Variants in LZTS2 observed in about 807,000 individuals in gnomAD.
LZTS2 encodes leucine zipper putative tumor suppressor 2.
In LZTS2, 32 loss-of-function variants were observed where a neutral mutation model predicts 60.6. The observed-to-expected ratio is 0.53, with a 90% CI of 0.40 to 0.71. LZTS2 has a LOEUF of 0.71. LZTS2 is among the 30% of genes least tolerant of loss of function. LZTS2 has a pLI of 0.00. For synonymous variants in LZTS2, 360 were observed against 393.1 expected (o/e 0.92, Z 1.00); for missense variants, 792 against 901.9 (o/e 0.88, Z 1.56).
exon 2 of LZTS2, chr10:101,003,866 A>G: frequency 6.2e-7 from 1 of 1,613,096 alleles, no homozygotes; most frequent in South Asian, 1.1e-5. Context: ...GGCGAGGGGC[A>G]CTGCCTGGGC....
At position 101,006,437 on chromosome 10, in the gene LZTS2, C is replaced by A. The variant is rs763882932; in HGVS notation, c.1327-48C>A. Reference sequence around the variant, plus strand: ...AGCATGATGTGCAGGGCCTGTCCCCCCAGGAGAACCTGTCTCACCATCCTT... The same window carrying A: ...AGCATGATGTGCAGGGCCTGTCCCCACAGGAGAACCTGTCTCACCATCCTT... On this transcript the variant is annotated intron_variant, in intron 3 of 3. Transcript: ENST00000370220. 2.7e-5 allele frequency: 42 copies of A among 1,559,394 alleles called. No homozygotes were observed. In the East Asian group the frequency reaches 9.4e-4, roughly 35 times the overall value.
At position 101,005,651 on chromosome 10, in the gene LZTS2, G is replaced by A. The variant is rs1177262685; in HGVS notation, c.1262G>A (p.Arg421His). ...CAGGAGCGCGAACAGCTGGAGCGGCGCTGCGCCACCTTGGAGCGGGAGCAG... is the reference window on the plus strand; with the variant it reads ...CAGGAGCGCGAACAGCTGGAGCGGCACTGCGCCACCTTGGAGCGGGAGCAG... Residue 421 changes from arginine (R) to histidine (H), a missense_variant, in exon 3 of 4, where the codon CGC becomes CAC. Physicochemically the swap from Arg to His is conservative, Grantham distance 29 (BLOSUM62 0). Coordinates refer to ENST00000370220, the Ensembl canonical transcript of LZTS2. 2.1e-5 allele frequency: 33 copies of A among 1,608,944 alleles called. No homozygotes were observed. Among genetic ancestry groups the A allele is most frequent in the African/African-American group, 2.7e-5 (2 of 74,902 alleles).
At position 101,003,668 on chromosome 10, in the gene LZTS2, C is replaced by T. The variant is rs139556482; in HGVS notation, c.570C>T (p.Ser190=). The change falls in exon 2 of 4, where the codon TCC becomes TCT. Residue 190 remains serine (S), a synonymous_variant. Transcript: ENST00000370220. The stretch of plus-strand genomic sequence containing the variant: ...TGTTTGGGGGCCCTGCCTCCTCCTC[C>T]TCCTCTTCCTCCTCCTCTTCAGCTG... The T allele has an allele frequency of 8.5e-4, 1,370 of 1,611,452 alleles. 2 individuals are homozygous for T. The highest frequency in any genetic ancestry group is 1.2e-3 in the Middle Eastern group (7 of 6,056).
intron 3 of LZTS2, among the ~76,000 whole-genome samples, chr10:101,006,210 A>T (rs1415313679): frequency 6.6e-6 from 1 of 152,140 alleles, no homozygotes; most frequent in Admixed American, 6.5e-5. Context: ...CCCAGTCCCC[A>T]GTCCCCAGTC....
chr10:101,006,311 C>G (rs531018678), intron 3 of LZTS2, among the ~76,000 whole-genome samples, 174 bp from the exon 5 acceptor site: 1 of 152,218 alleles, frequency 6.6e-6, no homozygotes. Context: ...TCCACTTAAG[C>G]CCCATCTTAA....
chr10:101,007,061 C>G, exon 4 of LZTS2: 7 of 1,604,968 alleles, frequency 4.4e-6, no homozygotes, highest in Non-Finnish European at 5.9e-6. Flanking sequence ...AGAGCAGGAG[C>G]TGCAGCAGCT....
upstream of LZTS2, chr10:100,996,649 T>G (rs1851923051): frequency 6.6e-6 from 1 of 152,380 alleles, no homozygotes. Flanking sequence ...GTGCTGGTTC[T>G]GCCTGGGCAG....
exon 1 of LZTS2, chr10:101,002,653 C>G: frequency 6.2e-7 from 1 of 1,607,786 alleles, no homozygotes; most frequent in Non-Finnish European, 8.5e-7. Context: ...CCGGCCCTGT[C>G]CCGGGGGGCC....
chr10:101,006,928 G>A (rs1852226999), exon 4 of LZTS2: 1 of 1,533,656 alleles, frequency 6.5e-7, no homozygotes. Flanking sequence ...GGCGGGGTGA[G>A]GAGCAGCGGG....
upstream of LZTS2, among the ~76,000 whole-genome samples, chr10:100,997,713 C>T (rs1851944551): frequency 1.3e-5 from 2 of 152,246 alleles, no homozygotes; most frequent in African/African-American, 4.8e-5. Flanking sequence ...CTCCGCAGAC[C>T]AGTGGCCTGT....
In LZTS2 at chr10:101,007,117, C is replaced by T. The variant is rs760102695; in HGVS notation, c.1959C>T (p.Ala653=). 1.7e-5 allele frequency: 27 copies of T among 1,609,586 alleles called. No individual in the cohort carries two copies. The East Asian group carries it at 1.8e-4, about 11-fold the overall frequency. Residue 653 remains alanine, a synonymous_variant, in exon 4 of 4, where the codon GCC becomes GCT. Coordinates refer to ENST00000370220, the Ensembl canonical transcript of LZTS2. ...GGGAGCTCGCTGACCTGGGCCTGGCCGAGCAGGCCCCCTGCATCTGCCTGG... is the reference window on the plus strand; with the variant it reads ...GGGAGCTCGCTGACCTGGGCCTGGCTGAGCAGGCCCCCTGCATCTGCCTGG...
chr10:101,002,848 A>G (rs1295328753), exon 1 of LZTS2: 2 of 1,613,890 alleles, frequency 1.2e-6, no homozygotes, highest in East Asian at 2.2e-5. Flanking sequence ...CCCCAGCCCA[A>G]GCAGTGATGT....
chr10:101,006,540 A>G, exon 4 of LZTS2: 1 of 1,611,610 alleles, frequency 6.2e-7, no homozygotes, highest in Non-Finnish European at 8.5e-7. Flanking sequence ...AAAGAGTCTC[A>G]GGCAGAGCTG....
exon 4 of LZTS2, chr10:101,007,108 G>T (rs928829144): frequency 4.3e-6 from 7 of 1,610,796 alleles, no homozygotes; most frequent in Admixed American, 1.7e-5. Flanking sequence ...TCGCTGACCT[G>T]GGCCTGGCCG....
rs1564816704 is a variant in LZTS2, at chr10:101,003,488, A to G, written c.409-19A>G. 10 of 1,513,542 alleles carry G rather than the reference A, an allele frequency of 6.6e-6. No homozygotes were observed. The highest frequency in any genetic ancestry group is 8.8e-6 in the Non-Finnish European group (10 of 1,131,142). The allele number at this position is 1,513,542 out of a possible 1,614,324, so 93.8% of individuals were successfully genotyped here. A position where few individuals can be genotyped will look rare whatever the true frequency, so the allele number is the denominator to read the frequency against. On this transcript the variant is annotated intron_variant, in intron 1 of 3. Transcript: ENST00000370220. ...GATTGGGCAGCTCATCTCCAGTGTC[A>G]CATGGCACCTCATTTCAGAACATGG...
chr10:101,006,872 C>T (rs924657673), exon 4 of LZTS2: 22 of 1,528,064 alleles, frequency 1.4e-5, no homozygotes, highest in Middle Eastern at 3.8e-4. Flanking sequence ...GGGCAGCTTG[C>T]GGGCCCAGGT....
chr10:101,005,816 T>A (rs567109814), intron 3 of LZTS2, 101 bp downstream of exon 4: 46 of 1,378,006 alleles, frequency 3.3e-5, no homozygotes. Flanking sequence ...CCCCCAGAGG[T>A]CCTCCCCTTT....
At chr10:100,998,579 G>C (rs1176052699), upstream of LZTS2, 1 of 152,328 alleles carries the variant, frequency 6.6e-6, no homozygotes, top group African/African-American at 2.4e-5. Flanking sequence ...TTGGCCCTGC[G>C]GGGGAGGGGG....
At chr10:101,003,912 G>A in exon 2 of LZTS2, 1 of 1,612,128 alleles carries the variant, frequency 6.2e-7, no homozygotes. Context: ...CTCCCACTCA[G>A]ACAGTGGCCG....
Sources: allele counts gnomAD v4.1 joint callset (sites outside exome capture counted in the v4.1 genomes callset), GRCh38; gene constraint gnomAD v4.1.1; transcripts MANE v1.5; gene names NCBI Gene and HGNC (gene_info 2026-07-23, HGNC 2026-07-21).